CDK14: variants seen among roughly 807,000 people sequenced by gnomAD.
The protein encoded by CDK14 is cyclin-dependent kinase 14.
CDK14 carries 34 observed loss-of-function variants against 60.7 expected under a neutral mutation model. The observed-to-expected ratio is 0.56, with a 90% confidence interval of 0.43 to 0.75. The LOEUF is 0.75. Among genes scored for constraint, CDK14 ranks in the 30% least tolerant of loss-of-function variants. CDK14 has a pLI of 0.00. For synonymous variants in CDK14, 197 were observed against 203.7 expected (o/e 0.97, Z 0.28); for missense variants, 482 against 564.1 (o/e 0.85, Z 1.47).
intron 10 of CDK14, among the ~76,000 whole-genome samples, chr7:91,006,615 A>C (rs58972113): frequency 1.8e-4 from 28 of 152,344 alleles, no homozygotes; most frequent in African/African-American, 6.5e-4. Flanking sequence ...ATTCCACTAG[A>C]TTTTGGAAAT....
intron 14 of CDK14, among the ~76,000 whole-genome samples, chr7:91,191,603 C>A (rs181960470): frequency 1.0e-3 from 153 of 151,428 alleles, no homozygotes; most frequent in African/African-American, 3.5e-3. Flanking sequence ...AAACATACCA[C>A]AAACTGTGTT....
chr7:90,786,522 T>C (rs1805589099), intron 4 of CDK14, among the ~76,000 whole-genome samples: 1 of 152,222 alleles, frequency 6.6e-6, no homozygotes, highest in Non-Finnish European at 1.5e-5. Context: ...CAATGTTCAT[T>C]TTGTTTTTCA....
At chr7:90,923,813 A>C (rs1046716880) in intron 8 of CDK14, among the ~76,000 whole-genome samples, 1 of 152,218 alleles carries the variant, frequency 6.6e-6, no homozygotes, top group Non-Finnish European at 1.5e-5. Flanking sequence ...GTTGGCAGTA[A>C]ATCAAATAAG....
intron 8 of CDK14, among the ~76,000 whole-genome samples, chr7:90,954,925 CTTT>C (rs1243306819): frequency 9.0e-6 from 1 of 111,594 alleles, no homozygotes; most frequent in African/African-American, 3.2e-5. Context: ...GCGCCCGGCC[CTTT>C]TTTTTTTTTA....
chr7:90,920,637 A>G (rs1352756097), intron 8 of CDK14, among the ~76,000 whole-genome samples: 1 of 152,206 alleles, frequency 6.6e-6, no homozygotes, highest in Non-Finnish European at 1.5e-5. Context: ...TTATACATAT[A>G]GATATTTTCT....
chr7:90,871,552 A>C (rs1791373209), intron 6 of CDK14, among the ~76,000 whole-genome samples: 1 of 152,178 alleles, frequency 6.6e-6, no homozygotes, highest in Non-Finnish European at 1.5e-5. Context: ...TTCTTAGAAG[A>C]ATGCTCAATT....
At chr7:91,141,647 CT>C (rs1488926619) in intron 14 of CDK14, among the ~76,000 whole-genome samples, 1 of 152,056 alleles carries the variant, frequency 6.6e-6, no homozygotes, top group East Asian at 1.9e-4. Context: ...TGCATCTCGG[CT>C]ACCAGCTTCT....
At chr7:91,201,259 T>G (rs1036107153) in intron 14 of CDK14, among the ~76,000 whole-genome samples, 1 of 152,172 alleles carries the variant, frequency 6.6e-6, no homozygotes, top group South Asian at 2.1e-4. Context: ...GAGGTAGCTT[T>G]CTTTCTGTCA....
intron 2 of CDK14, among the ~76,000 whole-genome samples, chr7:90,616,925 G>A (rs1486261831): frequency 1.3e-5 from 2 of 148,636 alleles, no homozygotes; most frequent in East Asian, 1.9e-4. Context: ...CCTCCATTTT[G>A]ATTATTTTTT....
intron 6 of CDK14, among the ~76,000 whole-genome samples, chr7:90,897,191 A>C (rs1792364355): frequency 1.3e-5 from 2 of 152,156 alleles, no homozygotes; most frequent in South Asian, 4.1e-4. Context: ...TTACATTGAT[A>C]TATCTGATTC....
At chr7:91,094,480 G>T (rs1290110101) in intron 12 of CDK14, among the ~76,000 whole-genome samples, 1 of 152,162 alleles carries the variant, frequency 6.6e-6, no homozygotes, top group African/African-American at 2.4e-5. Context: ...GCACACGTCT[G>T]TGCCTCACAG....
intron 2 of CDK14, among the ~76,000 whole-genome samples, chr7:90,665,425 C>T (rs574833561): frequency 2.1e-4 from 32 of 152,062 alleles, no homozygotes; most frequent in Admixed American, 1.8e-3. Flanking sequence ...GTTTTTTGCC[C>T]TTGAGGAGTT....
At chr7:90,784,152 C>G (rs959795998) in intron 4 of CDK14, among the ~76,000 whole-genome samples, 1 of 152,124 alleles carries the variant, frequency 6.6e-6, no homozygotes, top group East Asian at 1.9e-4. Flanking sequence ...AGGACATTAA[C>G]TTCGTAAATA....
At chr7:91,158,109 A>T (rs1481443585) in intron 14 of CDK14, among the ~76,000 whole-genome samples, 2 of 147,962 alleles carry the variant, frequency 1.4e-5, no homozygotes, top group African/African-American at 4.9e-5. Context: ...ATAAATATTT[A>T]TATATAAACA....
chr7:91,157,198 A>C (rs10488006), intron 14 of CDK14, among the ~76,000 whole-genome samples: 9,375 of 152,236 alleles, frequency 0.062, 837 homozygotes, highest in East Asian at 0.48. Flanking sequence ...TTCTTGCTAA[A>C]ATTACGTCAT....
At chr7:91,072,040 A>T (rs1046484131) in intron 11 of CDK14, among the ~76,000 whole-genome samples, 3 of 152,092 alleles carry the variant, frequency 2.0e-5, no homozygotes, top group Non-Finnish European at 4.4e-5. Flanking sequence ...CCCTAGGGGG[A>T]GGGGTGGCCA....
chr7:90,787,399 C>G (rs1229334165), intron 4 of CDK14, among the ~76,000 whole-genome samples: 1 of 151,976 alleles, frequency 6.6e-6, no homozygotes, highest in Non-Finnish European at 1.5e-5. Context: ...CATAAAGAGA[C>G]CACACCTTTT....
In CDK14 at chr7:90,642,524, GT is replaced by G. The variant is rs201534636; in HGVS notation, c.123+38284del. ...CAGAAAAAATGAATAGATAGCAAGA[GT>G]TTTTTTTTAATTAAATTTTTATTTT... is the stretch of plus-strand genomic sequence containing the variant. On this transcript the variant is annotated intron_variant, in intron 2 of 14. Transcript: ENST00000380050. 5.9e-5 allele frequency among the ~76,000 whole-genome samples: 9 copies of G among 151,514 alleles called. 1 individual carries two copies. The highest frequency in any genetic ancestry group is 2.1e-4 in the South Asian group (1 of 4,778).
intron 3 of CDK14, among the ~76,000 whole-genome samples, chr7:90,737,136 A>G (rs552804511): frequency 1.7e-4 from 26 of 152,228 alleles, no homozygotes; most frequent in South Asian, 1.7e-3. Context: ...TCCCTCCCCT[A>G]TTCCTGCCAC....
Sources: allele counts gnomAD v4.1 joint callset (sites outside exome capture counted in the v4.1 genomes callset), GRCh38; gene constraint gnomAD v4.1.1; transcripts MANE v1.5; gene names NCBI Gene and HGNC (gene_info 2026-07-23, HGNC 2026-07-21).